FARP1: variants seen among roughly 807,000 people sequenced by gnomAD.
FARP1 encodes FERM, ARHGEF and pleckstrin domain-containing protein 1.
In FARP1, 52 loss-of-function variants were observed where a neutral mutation model predicts 128.8. The ratio of observed to expected loss-of-function variants is 0.40; its 90% CI spans 0.32 to 0.51. The LOEUF is 0.51. Among genes scored for constraint, FARP1 ranks in the 20% least tolerant of loss-of-function variants. The probability of loss-of-function intolerance (pLI) is 0.45; values close to 1 mark genes in which losing one functional copy is unlikely to be tolerated. For synonymous variants in FARP1, 580 were observed against 551.8 expected, an observed-to-expected ratio of 1.05 and a Z score of -0.72; for missense variants, 1,333 against 1,367.9, an observed-to-expected ratio of 0.97 and a Z score of 0.40.
At chr13:98,238,722 C>G (rs1481862445) in intron 2 of FARP1, among the ~76,000 whole-genome samples, 2 of 152,108 alleles carry the variant, frequency 1.3e-5, no homozygotes, top group Non-Finnish European at 2.9e-5. Context: ...CAAGTCCTTC[C>G]CAGGACATGT....
chr13:98,368,717 G>A (rs9556941), intron 5 of FARP1, among the ~76,000 whole-genome samples: 26,530 of 151,994 alleles, frequency 0.17, 2,505 homozygotes, highest in East Asian at 0.33. Flanking sequence ...CTATTACAGT[G>A]TGGACTCTAA....
chr13:98,257,898 G>A (rs776709154), intron 2 of FARP1, among the ~76,000 whole-genome samples: 14 of 152,192 alleles, frequency 9.2e-5, no homozygotes, highest in South Asian at 2.1e-4. Flanking sequence ...GTGAAGTCAC[G>A]CGTGTGTTAA....
intron 2 of FARP1, among the ~76,000 whole-genome samples, chr13:98,325,685 A>G (rs903890253): frequency 1.3e-5 from 2 of 152,252 alleles, no homozygotes; most frequent in Non-Finnish European, 2.9e-5. Flanking sequence ...ATACTTCTCC[A>G]ACACATACTC....
chr13:98,431,650 C>T (rs1398136660), intron 18 of FARP1: 3 of 166,226 alleles, frequency 1.8e-5, no homozygotes, highest in Non-Finnish European at 3.9e-5. Context: ...TTAGTAGAGA[C>T]GGGGTTTCAC....
At position 98,209,277 on chromosome 13, in the gene FARP1, G is replaced by A. The variant is rs1355226658; in HGVS notation, c.-23-3943G>A. Among the ~76,000 whole-genome samples, 11 of 151,538 alleles carry A rather than the reference G, an allele frequency of 7.3e-5. No individual in the cohort carries two copies. In the South Asian group the frequency reaches 2.3e-3, roughly 32 times the overall value. ...CCCGCCTTGGCCTCCCAAAGTGCTG[G>A]GATTACAGGCGTGAGCCACCGCGCC... On this transcript the variant is annotated intron_variant, in intron 1 of 26. Coordinates refer to ENST00000319562, the MANE Select transcript of FARP1 (RefSeq NM_005766.4).
At chr13:98,224,838 A>AC (rs1450321661) in intron 2 of FARP1, among the ~76,000 whole-genome samples, 2 of 151,994 alleles carry the variant, frequency 1.3e-5, no homozygotes, top group African/African-American at 2.4e-5. Context: ...GGCTGCTTCC[A>AC]CCCCTGCCTC....
chr13:98,209,297 C>T lies in FARP1; in HGVS notation c.-23-3923C>T, dbSNP rs185734485. Among the ~76,000 whole-genome samples the T allele has an allele frequency of 4.6e-4, 70 of 151,364 alleles. No homozygotes were observed. In the East Asian group the frequency reaches 0.012, roughly 25 times the overall value. The stretch of plus-strand genomic sequence containing the variant: ...TGCTGGGATTACAGGCGTGAGCCAC[C>T]GCGCCCAGCCAACTTTCCTGAGTTT... On this transcript the variant is annotated intron_variant, in intron 1 of 26. Coordinates refer to ENST00000319562, the MANE Select transcript of FARP1 (RefSeq NM_005766.4).
intron 2 of FARP1, among the ~76,000 whole-genome samples, chr13:98,312,904 A>C (rs1265589196): frequency 4.6e-5 from 7 of 152,236 alleles, no homozygotes; most frequent in Non-Finnish European, 7.4e-5. Flanking sequence ...AATTTGGCTA[A>C]AGAGGGCAGG....
rs3138577 is a variant in FARP1, at chr13:98,206,177, TTGTGTGTGTGTGTGTGTGTG to T, written c.-23-7022_-23-7003del. On this transcript the variant is annotated intron_variant, in intron 1 of 26. Coordinates refer to ENST00000319562, the MANE Select transcript of FARP1 (RefSeq NM_005766.4). ...TAATAGGAATTTTCATGACTTGAGG[TTGTGTGTGTGTGTGTGTGTG>T]TGTGTGTGTGTGTGTGTGTGATCCT... is the stretch of plus-strand genomic sequence containing the variant. Among the ~76,000 whole-genome samples, 5 of 146,566 alleles carry T rather than the reference TTGTGTGTGTGTGTGTGTGTG, an allele frequency of 3.4e-5. No homozygotes were observed. The East Asian group carries it at 8.2e-4, about 24-fold the overall frequency.
chr13:98,231,523 C>T (rs9554451), intron 2 of FARP1, among the ~76,000 whole-genome samples: 18,692 of 152,034 alleles, frequency 0.12, 1,559 homozygotes, highest in East Asian at 0.24. Flanking sequence ...CTGCAACCTC[C>T]GCCTTCTGGG....
chr13:98,220,817 T>C (rs1432682801), intron 2 of FARP1, among the ~76,000 whole-genome samples: 1 of 152,128 alleles, frequency 6.6e-6, no homozygotes, highest in African/African-American at 2.4e-5. Context: ...CTAGCTCTGA[T>C]ATGCTTGCAG....
chr13:98,198,741 G>C (rs181632296), intron 1 of FARP1, among the ~76,000 whole-genome samples: 1 of 151,424 alleles, frequency 6.6e-6, no homozygotes, highest in Non-Finnish European at 1.5e-5. Flanking sequence ...AGCTGGGCAC[G>C]GTGGCACATG....
intron 3 of FARP1, among the ~76,000 whole-genome samples, chr13:98,359,505 C>T (rs559105589): frequency 1.3e-5 from 2 of 152,206 alleles, no homozygotes; most frequent in Non-Finnish European, 2.9e-5. Context: ...AGTGATTCAG[C>T]TTGCCCTGCC....
intron 1 of FARP1, among the ~76,000 whole-genome samples, chr13:98,160,176 C>G (rs1876777274): frequency 6.6e-6 from 1 of 152,172 alleles, no homozygotes; most frequent in Admixed American, 6.5e-5. Flanking sequence ...GTCTTTGGAG[C>G]TTGGTGATGG....
intron 2 of FARP1, among the ~76,000 whole-genome samples, chr13:98,324,040 CTT>C (rs1280515968): frequency 6.6e-6 from 1 of 152,196 alleles, no homozygotes; most frequent in Non-Finnish European, 1.5e-5. Flanking sequence ...GATTTTATTA[CTT>C]GATTAATATA....
intron 6 of FARP1, chr13:98,382,400 A>G (rs1466593383): frequency 6.6e-6 from 1 of 152,244 alleles, no homozygotes; most frequent in Non-Finnish European, 1.5e-5. Context: ...GACCCAGAAG[A>G]AAAGAGAATT....
intron 2 of FARP1, among the ~76,000 whole-genome samples, chr13:98,285,462 A>T (rs1885123429): frequency 1.3e-5 from 2 of 152,076 alleles, no homozygotes; most frequent in Admixed American, 1.3e-4. Context: ...TTGCTTAGTG[A>T]TGTCACTCAC....
chr13:98,349,429 T>TG (rs1358839225), intron 3 of FARP1, among the ~76,000 whole-genome samples: 4 of 152,114 alleles, frequency 2.6e-5, no homozygotes, highest in Non-Finnish European at 4.4e-5. Context: ...CCCAGCACTT[T>TG]GGGAGGCCGA....
At chr13:98,403,658 TG>T (rs1434624176) in intron 13 of FARP1, 1 of 152,178 alleles carries the variant, frequency 6.6e-6, no homozygotes, top group Admixed American at 6.5e-5. Flanking sequence ...TTCTCACAGA[TG>T]CTGTCTGGTT....
Sources: gnomAD v4.1 joint callset for allele counts (sites outside exome capture counted in the v4.1 genomes callset) on GRCh38, gnomAD v4.1.1 for gene constraint, MANE v1.5 for transcripts, NCBI Gene and HGNC (gene_info 2026-07-23, HGNC 2026-07-21) for gene names.